HIVEP3: variants seen among roughly 807,000 people sequenced by gnomAD.
HIVEP3 encodes the protein transcription factor HIVEP3.
HIVEP3 carries 49 observed loss-of-function variants against 152.8 expected under a neutral mutation model. That is an observed-to-expected ratio of 0.32 (90% CI 0.26 to 0.41). The LOEUF is 0.41. Ranked by LOEUF, HIVEP3 falls within the 10% of genes least tolerant of loss-of-function variation. HIVEP3 has a pLI of 1.00. For synonymous variants in HIVEP3, 1,269 were observed against 1,289.0 expected (o/e 0.98, Z 0.33); for missense variants, 2,790 against 3,103.3 (o/e 0.90, Z 2.40).
intron 1 of HIVEP3, among the ~76,000 whole-genome samples, chr1:41,988,067 T>C (rs75207098): frequency 0.013 from 1,906 of 152,070 alleles, 35 homozygotes; most frequent in African/African-American, 0.045. Flanking sequence ...CCTTATCTCA[T>C]CCCATATATA....
chr1:41,880,043 C>T (rs1266419912), intron 1 of HIVEP3, among the ~76,000 whole-genome samples: 1 of 152,154 alleles, frequency 6.6e-6, no homozygotes, highest in Non-Finnish European at 1.5e-5. Context: ...GGCTAATTAG[C>T]TTGCCTGGGA....
At chr1:41,944,215 T>A (rs1321460549) in intron 1 of HIVEP3, among the ~76,000 whole-genome samples, 2 of 152,228 alleles carry the variant, frequency 1.3e-5, no homozygotes, top group African/African-American at 2.4e-5. Context: ...GGTTGCACAA[T>A]ATGAAGGTGT....
intron 1 of HIVEP3, among the ~76,000 whole-genome samples, chr1:41,757,706 T>TTTATTTATTTATTTAC (rs1647407697): frequency 6.7e-6 from 1 of 150,286 alleles, no homozygotes; most frequent in Admixed American, 6.6e-5. Context: ...TATTTATTTA[T>TTTATTTATTTATTTAC]TTATTTATTT....
chr1:41,612,821 T>C (rs1644917501), intron 3 of HIVEP3, among the ~76,000 whole-genome samples: 1 of 152,150 alleles, frequency 6.6e-6, no homozygotes, highest in South Asian at 2.1e-4. Context: ...CCAGCCCCTG[T>C]CCCCTCCCTT....
intron 1 of HIVEP3, among the ~76,000 whole-genome samples, chr1:41,779,491 T>C (rs1171621095): frequency 6.6e-6 from 1 of 152,234 alleles, no homozygotes; most frequent in Admixed American, 6.5e-5. Flanking sequence ...AAGCCCCTTC[T>C]TTTTCTTTTC....
At chr1:41,777,398 C>T (rs1049371364) in intron 1 of HIVEP3, among the ~76,000 whole-genome samples, 3 of 152,218 alleles carry the variant, frequency 2.0e-5, no homozygotes, top group Admixed American at 6.5e-5. Context: ...TTCAGAATCA[C>T]GGCTGTGTGC....
intron 6 of HIVEP3, among the ~76,000 whole-genome samples, chr1:41,523,824 C>T (rs1226294079): frequency 1.3e-5 from 2 of 152,228 alleles, no homozygotes; most frequent in African/African-American, 4.8e-5. Flanking sequence ...GATGTCCAAA[C>T]CCTGACCCAG....
intron 2 of HIVEP3, among the ~76,000 whole-genome samples, chr1:41,630,379 A>G (rs1366864983): frequency 6.6e-6 from 1 of 152,198 alleles, no homozygotes; most frequent in Non-Finnish European, 1.5e-5. Flanking sequence ...TCAGCATCAC[A>G]TAATATACCC....
chr1:41,628,971 T>C (rs368261935), intron 2 of HIVEP3, 24 bp from the exon 3 acceptor site: 3 of 1,229,042 alleles, frequency 2.4e-6, no homozygotes, highest in East Asian at 3.2e-5. Flanking sequence ...TTGAGAAACA[T>C]GGTCAAAGAA....
At chr1:41,851,869 G>T (rs933090324) in intron 1 of HIVEP3, among the ~76,000 whole-genome samples, 2 of 152,156 alleles carry the variant, frequency 1.3e-5, no homozygotes, top group African/African-American at 4.8e-5. Flanking sequence ...TACAGGGCTT[G>T]GGAGGCAATG....
At chr1:41,527,501 ACACT>A (rs145740723) in intron 5 of HIVEP3, among the ~76,000 whole-genome samples, 35,346 of 99,064 alleles carry the variant, frequency 0.36, 6,912 homozygotes, top group Non-Finnish European at 0.45. Flanking sequence ...ACCCTCACAC[ACACT>A]CACACACCCC....
intron 3 of HIVEP3, among the ~76,000 whole-genome samples, chr1:41,622,995 T>C (rs143390735): frequency 7.7e-4 from 117 of 152,308 alleles, no homozygotes; most frequent in African/African-American, 2.3e-3. Flanking sequence ...CACAGAGAAG[T>C]GAAGTCATTT....
intron 5 of HIVEP3, among the ~76,000 whole-genome samples, chr1:41,566,730 C>T (rs893021201): frequency 2.0e-5 from 3 of 152,158 alleles, no homozygotes; most frequent in African/African-American, 7.2e-5. Context: ...CGGGCTGAGC[C>T]TCCTTCCTCC....
At chr1:41,556,508 A>G (rs1643968760) in intron 5 of HIVEP3, among the ~76,000 whole-genome samples, 1 of 152,158 alleles carries the variant, frequency 6.6e-6, no homozygotes, top group East Asian at 1.9e-4. Context: ...GAGTTGTAGG[A>G]GTTCTTTACA....
intron 1 of HIVEP3, among the ~76,000 whole-genome samples, chr1:41,790,104 G>T (rs1005832642): frequency 6.6e-6 from 1 of 152,162 alleles, no homozygotes; most frequent in East Asian, 1.9e-4. Context: ...TCTTAACTGC[G>T]TGCTATGATT....
intron 1 of HIVEP3, among the ~76,000 whole-genome samples, chr1:41,937,843 G>A (rs184863470): frequency 7.3e-4 from 111 of 152,336 alleles, no homozygotes; most frequent in African/African-American, 2.6e-3. Context: ...TGTATATGTA[G>A]AGTCATGCCA....
chr1:41,568,185 T>C (rs1260358224), intron 5 of HIVEP3, among the ~76,000 whole-genome samples: 1 of 152,102 alleles, frequency 6.6e-6, no homozygotes, highest in East Asian at 1.9e-4. Flanking sequence ...CACTAGTAAA[T>C]ACCTGGAGAA....
chr1:41,986,601 C>T (rs1022803587), intron 1 of HIVEP3, among the ~76,000 whole-genome samples: 5 of 152,028 alleles, frequency 3.3e-5, no homozygotes, highest in African/African-American at 1.2e-4. Flanking sequence ...CCACCACGCC[C>T]GGCTAATTTT....
intron 1 of HIVEP3, among the ~76,000 whole-genome samples, chr1:41,765,606 C>T (rs1647960753): frequency 6.6e-6 from 1 of 152,156 alleles, no homozygotes; most frequent in Non-Finnish European, 1.5e-5. Context: ...GTCTCAAATA[C>T]TGTATTGGTA....
Sources: gnomAD v4.1 joint callset for allele counts (sites outside exome capture counted in the v4.1 genomes callset) on GRCh38, gnomAD v4.1.1 for gene constraint, MANE v1.5 for transcripts, NCBI Gene and HGNC (gene_info 2026-07-23, HGNC 2026-07-21) for gene names.